The following AGBL4 variants were observed in gnomAD, a reference collection of about 807,000 sequenced individuals.
The protein encoded by AGBL4 is cytosolic carboxypeptidase 6.
In AGBL4, 58 loss-of-function variants were observed where a neutral mutation model predicts 66.4. The observed-to-expected ratio is 0.87, with a 90% confidence interval of 0.71 to 1.09. The LOEUF is 1.09. Among genes scored for constraint, AGBL4 ranks in the 50% least tolerant of loss-of-function variants. AGBL4 has a pLI of 0.00. For synonymous variants in AGBL4, 234 were observed against 222.9 expected, an observed-to-expected ratio of 1.05 and a Z score of -0.44; for missense variants, 579 against 631.0, an observed-to-expected ratio of 0.92 and a Z score of 0.88.
intron 4 of AGBL4, among the ~76,000 whole-genome samples, chr1:49,198,432 C>T (rs1179172331): frequency 6.6e-6 from 1 of 152,132 alleles, no homozygotes; most frequent in Non-Finnish European, 1.5e-5. Context: ...CCTTCATCTT[C>T]CAGGTTCAAG....
intron 4 of AGBL4, among the ~76,000 whole-genome samples, chr1:49,055,892 C>A (rs1160386389): frequency 6.6e-6 from 1 of 151,984 alleles, no homozygotes; most frequent in Non-Finnish European, 1.5e-5. Context: ...AAAAAATATA[C>A]AATTTTTTTT....
intron 3 of AGBL4, among the ~76,000 whole-genome samples, chr1:49,397,265 AT>A (rs1644993144): frequency 6.6e-6 from 1 of 152,118 alleles, no homozygotes; most frequent in African/African-American, 2.4e-5. Context: ...AAAAAAAAAA[AT>A]CCTTCTCAGG....
chr1:49,429,762 A>C (rs1462572907), intron 3 of AGBL4, among the ~76,000 whole-genome samples: 2 of 152,062 alleles, frequency 1.3e-5, no homozygotes, highest in Non-Finnish European at 2.9e-5. Context: ...ATCCCTTATT[A>C]ACTCTACAGC....
At chr1:49,567,131 T>C (rs1010239021) in intron 3 of AGBL4, among the ~76,000 whole-genome samples, 4 of 152,184 alleles carry the variant, frequency 2.6e-5, no homozygotes, top group African/African-American at 9.6e-5. Context: ...TAGTGTGCCG[T>C]TTGTTAAGAC....
intron 1 of AGBL4, among the ~76,000 whole-genome samples, chr1:49,864,205 AT>A (rs1362614190): frequency 5.9e-5 from 9 of 152,216 alleles, no homozygotes; most frequent in Non-Finnish European, 1.0e-4. Context: ...GGATCTAAAA[AT>A]CAAAACAATT....
intron 2 of AGBL4, among the ~76,000 whole-genome samples, chr1:49,803,862 A>G (rs1644917588): frequency 6.6e-6 from 1 of 152,208 alleles, no homozygotes; most frequent in Non-Finnish European, 1.5e-5. Context: ...ATATTTGGTT[A>G]TTAACACTTC....
intron 3 of AGBL4, among the ~76,000 whole-genome samples, chr1:49,579,331 TTGTA>T (rs1476256225): frequency 2.6e-5 from 4 of 152,222 alleles, no homozygotes; most frequent in African/African-American, 9.6e-5. Context: ...TTCCATGTAT[TTGTA>T]TACTTTCCTA....
At chr1:48,813,125 T>A (rs532130670) in intron 6 of AGBL4, among the ~76,000 whole-genome samples, 3 of 151,692 alleles carry the variant, frequency 2.0e-5, no homozygotes, top group African/African-American at 7.3e-5. Flanking sequence ...ATAAAAAAAA[T>A]GGAGTGATAA....
At chr1:49,365,179 A>G (rs923418327) in intron 3 of AGBL4, among the ~76,000 whole-genome samples, 4 of 152,196 alleles carry the variant, frequency 2.6e-5, no homozygotes, top group Non-Finnish European at 4.4e-5. Context: ...TATTTTTCTA[A>G]CATTATCTTT....
intron 3 of AGBL4, among the ~76,000 whole-genome samples, chr1:49,566,331 C>T (rs1213296290): frequency 2.0e-5 from 3 of 152,162 alleles, no homozygotes; most frequent in South Asian, 2.1e-4. Context: ...AGCTTTGTTC[C>T]GTTGCTGGTG....
intron 1 of AGBL4, among the ~76,000 whole-genome samples, chr1:49,916,617 C>G (rs1274719830): frequency 6.6e-6 from 1 of 152,152 alleles, no homozygotes; most frequent in Non-Finnish European, 1.5e-5. Context: ...ATTGGTATAC[C>G]TGAAAGTGAC....
chr1:49,831,516 C>T (rs893124613), intron 2 of AGBL4, among the ~76,000 whole-genome samples: 2 of 152,178 alleles, frequency 1.3e-5, no homozygotes, highest in East Asian at 3.8e-4. Context: ...GGGGCTGACA[C>T]AATGGGGTTT....
chr1:49,989,771 T>C (rs1218043897), intron 1 of AGBL4, among the ~76,000 whole-genome samples: 1 of 152,208 alleles, frequency 6.6e-6, no homozygotes, highest in Admixed American at 6.5e-5. Flanking sequence ...TCCAATCTGC[T>C]CTACCATGCT....
At chr1:49,416,635 G>C (rs1378544736) in intron 3 of AGBL4, among the ~76,000 whole-genome samples, 1 of 152,044 alleles carries the variant, frequency 6.6e-6, no homozygotes, top group East Asian at 1.9e-4. Flanking sequence ...GATACTTTGG[G>C]CAAGTCATTT....
At chr1:49,440,936 T>G (rs1446400193) in intron 3 of AGBL4, among the ~76,000 whole-genome samples, 1 of 152,082 alleles carries the variant, frequency 6.6e-6, no homozygotes, top group Non-Finnish European at 1.5e-5. Flanking sequence ...CCATCCCCAG[T>G]AGTGGCAACA....
chr1:48,531,366 T>C (rs1347198594), downstream of AGBL4, among the ~76,000 whole-genome samples: 5 of 152,160 alleles, frequency 3.3e-5, no homozygotes, highest in South Asian at 4.1e-4. Context: ...TCCCATGTCA[T>C]TTCAGTCCAG....
chr1:49,761,122 A>T (rs1652276182), intron 2 of AGBL4, among the ~76,000 whole-genome samples: 1 of 149,932 alleles, frequency 6.7e-6, no homozygotes, highest in Admixed American at 6.6e-5. Flanking sequence ...TGTTCTGCAC[A>T]TGCATCCCGT....
intron 2 of AGBL4, among the ~76,000 whole-genome samples, chr1:49,835,533 A>C (rs944614369): frequency 5.3e-5 from 8 of 152,118 alleles, no homozygotes; most frequent in Admixed American, 3.9e-4. Flanking sequence ...CCAACTTGCC[A>C]GTCTGTGTCT....
At chr1:49,449,500 G>A (rs1057365858) in intron 3 of AGBL4, among the ~76,000 whole-genome samples, 1 of 151,984 alleles carries the variant, frequency 6.6e-6, no homozygotes, top group Non-Finnish European at 1.5e-5. Context: ...CTGTGGATAG[G>A]GCAGAGGAGG....
Sources: allele counts gnomAD v4.1 joint callset (sites outside exome capture counted in the v4.1 genomes callset), GRCh38; gene constraint gnomAD v4.1.1; transcripts MANE v1.5; gene names NCBI Gene and HGNC (gene_info 2026-07-23, HGNC 2026-07-21).